The following TARS3 variants were observed in gnomAD, a reference collection of about 807,000 sequenced individuals.
TARS3 encodes threonine--tRNA ligase 2, cytoplasmic.
A neutral mutation model predicts 103.5 loss-of-function variants in TARS3; 94 were observed. That is an observed-to-expected ratio of 0.91 (90% confidence interval 0.77 to 1.08). The LOEUF (loss-of-function observed/expected upper bound fraction) is 1.08, where lower values mean the gene tolerates loss of function less well. TARS3 is among the 50% of genes least tolerant of loss of function. TARS3 has a pLI of 0.00. For synonymous variants in TARS3, 416 were observed against 355.4 expected (o/e 1.17, Z -1.92); for missense variants, 952 against 995.2 (o/e 0.96, Z 0.58).
At chr15:101,696,933 C>T (rs1899010274) in intron 10 of TARS3, among the ~76,000 whole-genome samples, 1 of 152,120 alleles carries the variant, frequency 6.6e-6, no homozygotes, top group South Asian at 2.1e-4. Flanking sequence ...TCCATTTGAC[C>T]TTTTGGTTAT....
At chr15:101,695,173 T>C (rs1044206770) in intron 10 of TARS3, among the ~76,000 whole-genome samples, 1 of 152,226 alleles carries the variant, frequency 6.6e-6, no homozygotes, top group African/African-American at 2.4e-5. Flanking sequence ...TCAGTGACTG[T>C]TGACAAATGT....
rs1431232817 is a variant in TARS3 at position 101,724,240 on chromosome 15, G to A, written c.148C>T (p.Leu50Phe). 2 of 1,555,020 alleles carry A rather than the reference G, an allele frequency of 1.3e-6. No individual in the cohort carries two copies. The highest frequency in any genetic ancestry group is 1.7e-6 in the Non-Finnish European group (2 of 1,157,662). Residue 50 changes from leucine to phenylalanine, a missense_variant, in exon 1 of 19, where the codon CTC (leucine) becomes TTC (phenylalanine). Physicochemically the swap from Leu to Phe is conservative, Grantham distance 22 (BLOSUM62 0). This residue lies in a region of TARS3 where 412 missense variants were observed against 364.2 expected (regional missense o/e 1.13). Transcript: ENST00000335968. ...PYSCQAEGPCLTREVAQLRAE... is the reference protein window; with the variant it reads ...PYSCQAEGPCFTREVAQLRAE... Reference sequence around the variant, plus strand: ...CGGAGCTGCGCCACCTCCCGCGTGAGGCACGGCCCCTCCGCCTGGCAGCTG... The same window carrying A: ...CGGAGCTGCGCCACCTCCCGCGTGAAGCACGGCCCCTCCGCCTGGCAGCTG...
chr15:101,711,897 G>A lies in TARS3; in HGVS notation c.795C>T (p.Asp265=). 1.2e-6 allele frequency: 2 copies of A among 1,613,946 alleles called. No homozygotes were observed. Among genetic ancestry groups the A allele is most frequent in the African/African-American group, 1.3e-5 (1 of 75,036 alleles). ...GPPIENGFYY[D]MFIEDRAVSS... The stretch of plus-strand genomic sequence containing the variant: ...TGTGTTACCTGTCTTCAATGAACAT[G>A]TCATAATAAAATCCATTTTCAATGG... The change falls in exon 5 of 19, where the codon GAC becomes GAT. Residue 265 remains aspartate, a synonymous_variant. Coordinates refer to ENST00000335968, the MANE Select transcript of TARS3 (RefSeq NM_152334.3).
chr15:101,696,223 A>C, intron 10 of TARS3, among the ~76,000 whole-genome samples: 1 of 148,842 alleles, frequency 6.7e-6, no homozygotes, highest in South Asian at 2.1e-4. Context: ...AAAAAAAAAA[A>C]AAAAAAAAAA....
chr15:101,657,892 T>G, intron 16 of TARS3, 35 bp from the exon 17 acceptor site: 1 of 1,284,570 alleles, frequency 7.8e-7, no homozygotes, highest in Non-Finnish European at 1.1e-6. Flanking sequence ...ATTTTCAAAG[T>G]GTAATAATGG....
chr15:101,692,328 C>T (rs12440516), intron 10 of TARS3, among the ~76,000 whole-genome samples: 9,289 of 103,076 alleles, frequency 0.09, 331 homozygotes, highest in East Asian at 0.23. Flanking sequence ...CTCTCCTCCA[C>T]GGCTCCAAGC....
chr15:101,719,495 A>C (rs1355137717), intron 3 of TARS3, among the ~76,000 whole-genome samples: 1 of 152,156 alleles, frequency 6.6e-6, no homozygotes, highest in African/African-American at 2.4e-5. Context: ...TGTTCCATAA[A>C]CCATTCCTCT....
intron 6 of TARS3, among the ~76,000 whole-genome samples, chr15:101,707,170 T>TA (rs1378331172): frequency 6.1e-4 from 90 of 148,034 alleles, no homozygotes; most frequent in Non-Finnish European, 1.1e-3. Flanking sequence ...TGTCCATGAT[T>TA]AAAAAAAAAA....
chr15:101,676,310 G>A (rs1898024799), intron 12 of TARS3, among the ~76,000 whole-genome samples: 1 of 152,190 alleles, frequency 6.6e-6, no homozygotes, highest in African/African-American at 2.4e-5. Context: ...ACTAACATGA[G>A]TCAATGTGTT....
At chr15:101,665,692 T>C (rs1296462587) in intron 15 of TARS3, among the ~76,000 whole-genome samples, 1 of 152,174 alleles carries the variant, frequency 6.6e-6, no homozygotes, top group Non-Finnish European at 1.5e-5. Flanking sequence ...GTTATTTACA[T>C]AAAAATAGAA....
At chr15:101,710,370 C>A (rs1159315349) in intron 5 of TARS3, among the ~76,000 whole-genome samples, 9 of 152,144 alleles carry the variant, frequency 5.9e-5, no homozygotes. Context: ...ATTATTGAAC[C>A]CAAGGATGGG....
At chr15:101,673,302 C>CT (rs1897887039) in intron 13 of TARS3, among the ~76,000 whole-genome samples, 1 of 152,188 alleles carries the variant, frequency 6.6e-6, no homozygotes, top group Non-Finnish European at 1.5e-5. Context: ...AGGTCTATAC[C>CT]TGGTCCATCC....
At chr15:101,672,887 C>T (rs1897867386) in intron 13 of TARS3, among the ~76,000 whole-genome samples, 2 of 152,084 alleles carry the variant, frequency 1.3e-5, no homozygotes, top group South Asian at 2.1e-4. Context: ...ACAGCAGATA[C>T]CAAGTGATGG....
intron 15 of TARS3, among the ~76,000 whole-genome samples, chr15:101,668,175 A>T (rs481945): frequency 6.6e-6 from 1 of 152,182 alleles, no homozygotes; most frequent in African/African-American, 2.4e-5. Context: ...CTTTTGGCCT[A>T]TCTGGGCTTT....
intron 3 of TARS3, among the ~76,000 whole-genome samples, chr15:101,716,521 C>T (rs1231734405): frequency 6.6e-6 from 1 of 152,080 alleles, no homozygotes; most frequent in Non-Finnish European, 1.5e-5. Flanking sequence ...CAGCATCTTC[C>T]CTAACAGGAG....
At chr15:101,715,774 C>T (rs1020129132) in intron 3 of TARS3, among the ~76,000 whole-genome samples, 2 of 152,118 alleles carry the variant, frequency 1.3e-5, no homozygotes, top group Admixed American at 6.6e-5. Context: ...GACATCTGTA[C>T]ACAGGCATCT....
At position 101,714,902 on chromosome 15, in the gene TARS3, G is replaced by T. The variant is rs757889015; in HGVS notation, c.628C>A (p.Arg210Ser). The T allele has an allele frequency of 9.3e-6, 15 of 1,613,140 alleles. No homozygotes were observed. The highest frequency in any genetic ancestry group is 1.1e-5 in the Non-Finnish European group (13 of 1,179,472). Residue 210 changes from arginine (R) to serine (S), a missense_variant, in exon 4 of 19, where the codon CGC (arginine) becomes AGC (serine). Coordinates refer to ENST00000335968, the MANE Select transcript of TARS3 (RefSeq NM_152334.3). ...AGAGAAGAGTCCCCTTCCAATGGGC[G>T]GTCCAGGTCCCACAGTTCACCATTG... ...KVNGELWDLD[R>S]PLEGDSSLEL...
chr15:101,699,746 G>A (rs186146820), intron 10 of TARS3, among the ~76,000 whole-genome samples: 2 of 152,224 alleles, frequency 1.3e-5, no homozygotes, highest in East Asian at 3.9e-4. Flanking sequence ...GCCTCCAGGG[G>A]CACAGCACAA....
intron 12 of TARS3, among the ~76,000 whole-genome samples, chr15:101,682,117 T>A (rs1236032923): frequency 6.6e-6 from 1 of 152,200 alleles, no homozygotes; most frequent in Non-Finnish European, 1.5e-5. Context: ...CTAGGTGTTT[T>A]TTATTTCTCT....
Sources: gnomAD v4.1 joint callset for allele counts (sites outside exome capture counted in the v4.1 genomes callset) on GRCh38, gnomAD v4.1.1 for gene constraint, gnomAD v4.1.1 regional missense constraint, MANE v1.5 for transcripts, NCBI Gene and HGNC (gene_info 2026-07-23, HGNC 2026-07-21) for gene names.